Variants in ROBO2 observed in about 807,000 individuals in gnomAD.
ROBO2 encodes roundabout guidance receptor 2.
ROBO2 carries 53 observed loss-of-function variants against 160.8 expected under a neutral mutation model. That is an observed-to-expected ratio of 0.33 (90% CI 0.26 to 0.41). The LOEUF is 0.41. Ranked by LOEUF, ROBO2 falls within the 10% of genes least tolerant of loss-of-function variation. The pLI, the probability that ROBO2 is intolerant of heterozygous loss-of-function variation, is 1.00. For synonymous variants in ROBO2, 664 were observed against 611.7 expected (o/e 1.09, Z -1.26); for missense variants, 1,577 against 1,722.4 (o/e 0.92, Z 1.49).
chr3:77,057,755 G>A (rs1289206080), intron 1 of ROBO2, among the ~76,000 whole-genome samples: 1 of 151,756 alleles, frequency 6.6e-6, no homozygotes, highest in Non-Finnish European at 1.5e-5. Flanking sequence ...ATTTTTAGTA[G>A]AGACGGGGTT....
chr3:77,646,426 A>G (rs944063551), exon 26 of ROBO2: 2 of 189,632 alleles, frequency 1.1e-5, no homozygotes, highest in African/African-American at 4.6e-5. Context: ...ACTATATGTG[A>G]ATTAATAGGC....
intron 2 of ROBO2, among the ~76,000 whole-genome samples, chr3:77,114,841 G>A (rs1220735339): frequency 2.6e-5 from 4 of 152,052 alleles, no homozygotes; most frequent in Non-Finnish European, 4.4e-5. Context: ...TAGGTGAAAT[G>A]TATTTTATCT....
intron 2 of ROBO2, among the ~76,000 whole-genome samples, chr3:77,431,030 T>C (rs1269556929): frequency 6.6e-6 from 1 of 152,244 alleles, no homozygotes; most frequent in Non-Finnish European, 1.5e-5. Flanking sequence ...CTGTAACTAT[T>C]TCTCATCCTG....
rs569190367 is a variant in ROBO2, at chr3:76,959,772, C to T, written c.110-138242C>T. ...AAATATTGCCCTCTGTTTCTTCAAA[C>T]TCAATTCTTTATTTGAATTATTTGA... On this transcript the variant is annotated intron_variant, in intron 2 of 26. Transcript: ENST00000487694. 1.1e-4 allele frequency among the ~76,000 whole-genome samples: 16 copies of T among 152,180 alleles called. No homozygotes were observed. In the South Asian group the frequency reaches 3.3e-3, roughly 32 times the overall value.
intron 2 of ROBO2, among the ~76,000 whole-genome samples, chr3:76,014,848 G>C (rs553778748): frequency 6.6e-6 from 1 of 152,278 alleles, no homozygotes; most frequent in African/African-American, 2.4e-5. Flanking sequence ...GTATTGCTTA[G>C]GCCAGGGAGA....
chr3:77,128,106 ATACT>A, intron 2 of ROBO2, among the ~76,000 whole-genome samples: 2 of 152,320 alleles, frequency 1.3e-5, no homozygotes, highest in East Asian at 1.9e-4. Flanking sequence ...TTCAAAAATT[ATACT>A]TACTTCTCAT....
At chr3:77,545,061 G>T (rs368919102) in intron 6 of ROBO2, among the ~76,000 whole-genome samples, 13 of 152,064 alleles carry the variant, frequency 8.5e-5, no homozygotes, top group Middle Eastern at 3.4e-3. Flanking sequence ...AGCTTCACCT[G>T]TACCATTTTA....
intron 6 of ROBO2, among the ~76,000 whole-genome samples, chr3:77,524,807 A>C (rs2090971078): frequency 6.6e-6 from 1 of 151,348 alleles, no homozygotes; most frequent in East Asian, 2.0e-4. Context: ...TTCTTAAATC[A>C]GCAAACCTTA....
exon 1 of ROBO2, chr3:77,040,497 C>T (rs1008514338): frequency 4.6e-6 from 6 of 1,306,856 alleles, no homozygotes; most frequent in African/African-American, 4.5e-5. Flanking sequence ...TAGACACACT[C>T]GAATAATCCC....
chr3:77,551,133 G>T, intron 8 of ROBO2, 144 bp downstream of exon 9: 4 of 868,794 alleles, frequency 4.6e-6, no homozygotes, highest in South Asian at 3.0e-5. Context: ...ACATTCTTTT[G>T]GTAGTTTCTA....
In ROBO2 at chr3:77,575,803, G is replaced by A. The variant is rs971598375; in HGVS notation, c.2203+1073G>A. 2.6e-5 allele frequency among the ~76,000 whole-genome samples: 4 copies of A among 152,218 alleles called. No homozygotes were observed. In the Middle Eastern group the frequency reaches 0.01, roughly 388 times the overall value. On this transcript the variant is annotated intron_variant, in intron 14 of 25. Coordinates refer to ENST00000461745, the Ensembl canonical transcript of ROBO2. Reference sequence around the variant, plus strand: ...CAAATTGGTAGTATTAATGAGTGGAGCAGGTAACCTTAACACAGAATGCTC... The same window carrying A: ...CAAATTGGTAGTATTAATGAGTGGAACAGGTAACCTTAACACAGAATGCTC...
intron 2 of ROBO2, among the ~76,000 whole-genome samples, chr3:75,945,575 C>T (rs902986443): frequency 4.7e-5 from 7 of 150,006 alleles, no homozygotes; most frequent in Admixed American, 1.3e-4. Flanking sequence ...AATAATTTTG[C>T]TTTATTCTCT....
intron 2 of ROBO2, among the ~76,000 whole-genome samples, chr3:76,242,137 G>T (rs567166004): frequency 6.6e-6 from 1 of 152,176 alleles, no homozygotes; most frequent in South Asian, 2.1e-4. Context: ...AATGGATCTT[G>T]GTTAATGCAT....
At chr3:76,986,935 A>T (rs1326380801) in intron 2 of ROBO2, among the ~76,000 whole-genome samples, 4 of 152,214 alleles carry the variant, frequency 2.6e-5, no homozygotes, top group African/African-American at 4.8e-5. Flanking sequence ...ATTAAGGCAC[A>T]GTGAATTCCA....
intron 1 of ROBO2, among the ~76,000 whole-genome samples, chr3:75,921,920 A>C (rs907886311): frequency 6.6e-6 from 1 of 152,078 alleles, no homozygotes; most frequent in African/African-American, 2.4e-5. Flanking sequence ...AGAACCAAAA[A>C]CAGTTTCTGT....
intron 2 of ROBO2, among the ~76,000 whole-genome samples, chr3:77,108,229 C>CATAT (rs755688317): frequency 7.6e-6 from 1 of 131,450 alleles, no homozygotes; most frequent in African/African-American, 2.9e-5. Context: ...TACACATATG[C>CATAT]ATATATATGT....
At chr3:76,768,363 TACTG>T (rs1483358849) in intron 2 of ROBO2, among the ~76,000 whole-genome samples, 5 of 151,436 alleles carry the variant, frequency 3.3e-5, no homozygotes, top group African/African-American at 9.7e-5. Context: ...TCCATCCTGT[TACTG>T]ACAAATGAAT....
At chr3:76,882,086 TTGTG>T (rs10611502) in intron 2 of ROBO2, among the ~76,000 whole-genome samples, 21,613 of 144,310 alleles carry the variant, frequency 0.15, 1,854 homozygotes, top group South Asian at 0.24. Flanking sequence ...CGTAGGTTGG[TTGTG>T]TGTGTGTGTG....
At chr3:76,579,568 T>G (rs752274510) in intron 2 of ROBO2, among the ~76,000 whole-genome samples, 1 of 152,076 alleles carries the variant, frequency 6.6e-6, no homozygotes, top group Non-Finnish European at 1.5e-5. Flanking sequence ...CTGCAAATAT[T>G]ACCTGAGAAA....
Sources: gnomAD v4.1 joint callset for allele counts (sites outside exome capture counted in the v4.1 genomes callset) on GRCh38, gnomAD v4.1.1 for gene constraint, MANE v1.5 for transcripts, NCBI Gene and HGNC (gene_info 2026-07-23, HGNC 2026-07-21) for gene names.